FAAH2: variants seen among roughly 807,000 people sequenced by gnomAD.
FAAH2 encodes the protein fatty-acid amide hydrolase 2.
A neutral mutation model predicts 36.9 loss-of-function variants in FAAH2; 60 were observed. The observed-to-expected ratio is 1.63, with a 90% CI of 1.32 to 2.02. FAAH2 has a LOEUF of 2.02. Ranked by LOEUF, FAAH2 falls within the 30% of genes most tolerant of loss-of-function variation. FAAH2 has a pLI of 0.00. For missense variants in FAAH2, 689 were observed against 397.5 expected (o/e 1.73, Z -6.23); for synonymous variants, 214 against 143.8 (o/e 1.49, Z -3.49).
intron 1 of FAAH2, chrX:57,290,362 A>G (rs1412296958): frequency 1.6e-6 from 1 of 612,954 alleles, no homozygotes; most frequent in African/African-American, 2.5e-5. Flanking sequence ...ACACTAGACT[A>G]TTGAGTTATG....
At chrX:57,225,300 G>A in the FAAH2 span, among the ~76,000 whole-genome samples, 5 of 110,479 alleles carry the variant, frequency 4.5e-5, no homozygotes, top group South Asian at 1.2e-3. Flanking sequence ...TCCTCTTAGC[G>A]CCTCCTTAGC....
chrX:57,237,719 G>A, the FAAH2 span, among the ~76,000 whole-genome samples: 1 of 110,559 alleles, frequency 9.0e-6, no homozygotes, highest in African/African-American at 3.3e-5. Flanking sequence ...ACAACCTAAA[G>A]AATGAAATAA....
chrX:57,444,005 A>T (rs1389718668), intron 8 of FAAH2, among the ~76,000 whole-genome samples: 1 of 111,860 alleles, frequency 8.9e-6, no homozygotes, highest in Non-Finnish European at 1.9e-5. Context: ...GCTCTGTAAG[A>T]TGTCAGTCAG....
At chrX:57,306,728 GTGTA>G (rs777677276) in intron 2 of FAAH2, among the ~76,000 whole-genome samples, 4,869 of 34,774 alleles carry the variant, frequency 0.14, 157 homozygotes, top group Middle Eastern at 0.44. Context: ...GTGTGTGTGT[GTGTA>G]TATATATACA....
the FAAH2 span, among the ~76,000 whole-genome samples, chrX:57,152,751 G>T: frequency 9.0e-6 from 1 of 111,354 alleles, no homozygotes; most frequent in Non-Finnish European, 1.9e-5. Flanking sequence ...GCTTTAGCTC[G>T]TGCCCGGTGT....
intron 8 of FAAH2, among the ~76,000 whole-genome samples, chrX:57,445,433 C>T (rs777527332): frequency 7.2e-5 from 8 of 111,476 alleles, no homozygotes; most frequent in Non-Finnish European, 1.5e-4. Context: ...TGGCAGTGTG[C>T]TAGATTAAAC....
At chrX:57,261,944 G>A in the FAAH2 span, among the ~76,000 whole-genome samples, 1 of 111,363 alleles carries the variant, frequency 9.0e-6, no homozygotes, top group Non-Finnish European at 1.9e-5. Flanking sequence ...CATTAAATGA[G>A]TATATGTGGA....
chrX:57,349,432 TAC>T (rs1194854113), intron 5 of FAAH2, among the ~76,000 whole-genome samples: 10 of 99,443 alleles, frequency 1.0e-4, no homozygotes, highest in Admixed American at 5.8e-4. Flanking sequence ...TACATATATA[TAC>T]ATATATACAC....
intron 1 of FAAH2, among the ~76,000 whole-genome samples, chrX:57,292,270 C>T (rs1457605917): frequency 1.8e-5 from 2 of 111,463 alleles, no homozygotes; most frequent in Non-Finnish European, 3.8e-5. Flanking sequence ...TATCCCTACT[C>T]ATTGTTTGGA....
At chrX:57,282,567 T>C (rs1209878502), upstream of FAAH2, among the ~76,000 whole-genome samples, 1 of 112,224 alleles carries the variant, frequency 8.9e-6, no homozygotes, top group Non-Finnish European at 1.9e-5. Context: ...TCAACTGTAG[T>C]GTAATATGAG....
At chrX:57,227,752 G>A in the FAAH2 span, among the ~76,000 whole-genome samples, 619 of 111,788 alleles carry the variant, frequency 5.5e-3, 3 homozygotes, top group African/African-American at 0.019. Context: ...AGGGTGGGTA[G>A]GGAAGGACCA....
At chrX:57,284,480 A>G (rs945686348), upstream of FAAH2, among the ~76,000 whole-genome samples, 1 of 112,404 alleles carries the variant, frequency 8.9e-6, no homozygotes, top group Non-Finnish European at 1.9e-5. Context: ...TTTATTTTAA[A>G]GATAAATCTT....
chrX:57,127,829 A>G, the FAAH2 span, among the ~76,000 whole-genome samples: 12 of 111,484 alleles, frequency 1.1e-4, no homozygotes, highest in South Asian at 4.5e-3. Context: ...ACCATTTTCT[A>G]TGTTATTACA....
At chrX:57,161,388 G>C in the FAAH2 span, among the ~76,000 whole-genome samples, 1 of 111,377 alleles carries the variant, frequency 9.0e-6, no homozygotes, top group Admixed American at 9.6e-5. Context: ...GCTTGGTGCA[G>C]AGCTGAGTTC....
At chrX:57,209,233 A>T in the FAAH2 span, among the ~76,000 whole-genome samples, 35 of 111,573 alleles carry the variant, frequency 3.1e-4, no homozygotes, top group Admixed American at 7.6e-4. Context: ...TTCCACTTTT[A>T]TCAAGGGGAA....
intron 10 of FAAH2, among the ~76,000 whole-genome samples, chrX:57,471,824 A>G (rs1270127579): frequency 1.8e-5 from 2 of 111,779 alleles, no homozygotes; most frequent in Non-Finnish European, 3.8e-5. Context: ...GAGGCATCAC[A>G]CTACCTGACT....
At chrX:57,377,074 G>T (rs1167847732) in intron 5 of FAAH2, among the ~76,000 whole-genome samples, 1 of 112,274 alleles carries the variant, frequency 8.9e-6, no homozygotes, top group Admixed American at 9.4e-5. Context: ...TGGATAGATT[G>T]CAAAAATGTT....
At chrX:57,306,994 G>GATATATATATATATATATATATATAT (rs770040896) in intron 2 of FAAH2, among the ~76,000 whole-genome samples, 2,701 of 30,914 alleles carry the variant, frequency 0.087, 1,139 homozygotes, top group South Asian at 0.17. Flanking sequence ...CACACACACA[G>GATATATATATATATATATATATATAT]ATACATATAT....
the FAAH2 span, among the ~76,000 whole-genome samples, chrX:57,238,025 A>G: frequency 1.8e-5 from 2 of 111,949 alleles, no homozygotes; most frequent in Admixed American, 1.9e-4. Context: ...TTGGAGAAAA[A>G]GGAACACTTA....
Sources: allele counts gnomAD v4.1 joint callset (sites outside exome capture counted in the v4.1 genomes callset), GRCh38; gene constraint gnomAD v4.1.1; transcripts MANE v1.5; gene names NCBI Gene and HGNC (gene_info 2026-07-23, HGNC 2026-07-21).